PCDHGA4: variants seen among roughly 807,000 people sequenced by gnomAD.
The protein encoded by PCDHGA4 is protocadherin gamma-A4.
A neutral mutation model predicts 54.6 loss-of-function variants in PCDHGA4; 38 were observed. That is an observed-to-expected ratio of 0.70 (90% CI 0.54 to 0.91). The LOEUF (loss-of-function observed/expected upper bound fraction) is 0.91, where lower values mean the gene tolerates loss of function less well. Among genes scored for constraint, PCDHGA4 ranks in the 40% least tolerant of loss-of-function variants. The pLI is 0.00. For missense variants in PCDHGA4, 1,298 were observed against 1,220.9 expected (o/e 1.06, Z -0.94); for synonymous variants, 511 against 512.9 (o/e 1.00, Z 0.05).
intron 1 of PCDHGA4, among the ~76,000 whole-genome samples, chr5:141,451,873 C>A (rs1425706652): frequency 1.3e-5 from 2 of 151,830 alleles, no homozygotes; most frequent in East Asian, 3.9e-4. Context: ...AGAATGAAAC[C>A]CTGTCAAGAA....
At chr5:141,379,889 CTTTTTTTTTTTTTTTTTTT>C (rs70988800) in intron 1 of PCDHGA4, among the ~76,000 whole-genome samples, 3 of 50,830 alleles carry the variant, frequency 5.9e-5, no homozygotes, top group African/African-American at 1.3e-4. Flanking sequence ...GTGAAAGCCT[CTTTTTTTTTTTTTTTTTTT>C]TTTTTTTTTT....
intron 1 of PCDHGA4, chr5:141,420,475 A>G (rs1590231324): frequency 3.0e-6 from 2 of 665,126 alleles, no homozygotes; most frequent in Admixed American, 7.8e-5. Context: ...ATTTTAAAGC[A>G]AACTACATGG....
At chr5:141,382,969 T>G in intron 1 of PCDHGA4, 2 of 1,609,418 alleles carry the variant, frequency 1.2e-6, no homozygotes, top group Non-Finnish European at 8.5e-7. Context: ...GGGGACCCCC[T>G]GGGAAGCCTG....
rs768265171 is a variant in PCDHGA4, at chr5:141,432,847, G to T, written c.2515-61960G>T. The T allele has an allele frequency of 6.2e-7, 1 of 1,614,180 alleles. No homozygotes were observed. On this transcript the variant is annotated intron_variant, in intron 1 of 3. Transcript: ENST00000571252. The surrounding 1 kb of genome is among the most constrained non-coding windows in gnomAD (Gnocchi z 6.0). ...ACCTCACTCTGTACCTGGTGGTAGC[G>T]GTGGCCGCGGTCTCCTGCGTCTTCC...
chr5:141,496,284 G>A (rs1052943936), intron 2 of PCDHGA4, among the ~76,000 whole-genome samples: 6 of 152,210 alleles, frequency 3.9e-5, no homozygotes, highest in Admixed American at 1.3e-4. Context: ...CAGTTGGTCT[G>A]AGCAGAGTGG....
intron 1 of PCDHGA4, among the ~76,000 whole-genome samples, chr5:141,463,839 T>C (rs1356261890): frequency 1.3e-5 from 2 of 152,240 alleles, no homozygotes; most frequent in African/African-American, 4.8e-5. Flanking sequence ...TTCCCAGTTG[T>C]TATAGTGGTA....
At chr5:141,400,557 ACC>A in intron 1 of PCDHGA4, 5 of 1,613,254 alleles carry the variant, frequency 3.1e-6, no homozygotes, top group Non-Finnish European at 3.4e-6. Context: ...CTTTTTCATT[ACC>A]CACCCAATTT....
At chr5:141,479,241 G>A (rs2099490987) in intron 1 of PCDHGA4, 1 of 152,174 alleles carries the variant, frequency 6.6e-6, no homozygotes, top group Non-Finnish European at 1.5e-5. Context: ...CAAACCCAAA[G>A]ATAACCATTT....
At chr5:141,359,119 G>T (rs1761122715) in intron 1 of PCDHGA4, among the ~76,000 whole-genome samples, 1 of 152,182 alleles carries the variant, frequency 6.6e-6, no homozygotes, top group Non-Finnish European at 1.5e-5. Flanking sequence ...GAAAGTTGTG[G>T]TGCAATACAT....
rs191053275 is a variant in PCDHGA4, at chr5:141,384,800, A to T, written c.2514+27179A>T. 1,106 of 1,613,428 alleles carry T rather than the reference A, an allele frequency of 6.9e-4. 2 individuals are homozygous for T. In the Middle Eastern group the frequency reaches 0.018, roughly 27 times the overall value. ...GTGCGCACGGCTCGGGCCCTGCTGGACAGAGATGCCCTCAAGCAGAGCCTC... is the reference window on the plus strand; with the variant it reads ...GTGCGCACGGCTCGGGCCCTGCTGGTCAGAGATGCCCTCAAGCAGAGCCTC... On this transcript the variant is annotated intron_variant, in intron 1 of 3. Transcript: ENST00000571252.
At chr5:141,480,514 C>A (rs1015316945) in intron 1 of PCDHGA4, among the ~76,000 whole-genome samples, 2 of 127,196 alleles carry the variant, frequency 1.6e-5, no homozygotes, top group African/African-American at 7.3e-5. Flanking sequence ...TGAGAACAAC[C>A]AAAAATGACA....
chr5:141,424,076 A>C, intron 1 of PCDHGA4: 2 of 979,452 alleles, frequency 2.0e-6, no homozygotes, highest in Non-Finnish European at 2.5e-6. Flanking sequence ...TTGTAGTTAT[A>C]TTCCACCATT....
intron 1 of PCDHGA4, chr5:141,360,604 G>C (rs762984696): frequency 6.2e-7 from 1 of 1,613,982 alleles, no homozygotes; most frequent in Non-Finnish European, 8.5e-7. Context: ...ACTTGACCCA[G>C]CCCTGGATTC....
At chr5:141,374,203 G>A (rs375029709) in intron 1 of PCDHGA4, 16 of 1,613,808 alleles carry the variant, frequency 9.9e-6, no homozygotes, top group Non-Finnish European at 1.1e-5. Flanking sequence ...AGGAGCTGGA[G>A]AAAGGCTCCT....
At chr5:141,384,945 C>T in intron 1 of PCDHGA4, 2 of 1,614,120 alleles carry the variant, frequency 1.2e-6, no homozygotes, top group Non-Finnish European at 1.7e-6. Context: ...AGCCCTCCGA[C>T]GGTCCTTACA....
chr5:141,479,572 T>G (rs956648090), intron 1 of PCDHGA4: 2 of 152,190 alleles, frequency 1.3e-5, no homozygotes, highest in African/African-American at 2.4e-5. Context: ...TGGGATGACA[T>G]CTGTGAATAG....
rs771647688 is a variant in PCDHGA4 at position 141,399,795 on chromosome 5, G to A, written c.2514+42174G>A. 10 of 1,613,202 alleles carry A rather than the reference G, an allele frequency of 6.2e-6. No individual in the cohort carries two copies. In the South Asian group the frequency reaches 8.8e-5, roughly 14 times the overall value. On this transcript the variant is annotated intron_variant, in intron 1 of 3. Transcript: ENST00000571252. ...TGGGCGACCGAAACGACAACGCACC[G>A]CGGGTGCTGTACCCCGCGCTGGGTC...
At chr5:141,456,936 C>G (rs1012944904) in intron 1 of PCDHGA4, among the ~76,000 whole-genome samples, 20 of 152,190 alleles carry the variant, frequency 1.3e-4, no homozygotes, top group African/African-American at 4.3e-4. Context: ...GCACTCCAGC[C>G]TGGGCAACAG....
At chr5:141,451,561 C>T (rs1412657561) in intron 1 of PCDHGA4, among the ~76,000 whole-genome samples, 2 of 152,096 alleles carry the variant, frequency 1.3e-5, no homozygotes, top group Non-Finnish European at 2.9e-5. Flanking sequence ...ATGAAAGCCA[C>T]AATCTTTTTA....
Sources: allele counts gnomAD v4.1 joint callset (sites outside exome capture counted in the v4.1 genomes callset), GRCh38; gene constraint gnomAD v4.1.1; non-coding constraint Gnocchi (gnomAD v3.1); transcripts MANE v1.5; gene names NCBI Gene and HGNC (gene_info 2026-07-23, HGNC 2026-07-21).